The following SYTL3 variants were observed in gnomAD, a reference collection of about 807,000 sequenced individuals.
SYTL3 encodes synaptotagmin-like protein 3.
In SYTL3, 88 loss-of-function variants were observed where a neutral mutation model predicts 82.1. The ratio of observed to expected loss-of-function variants is 1.07; its 90% CI spans 0.90 to 1.28. The LOEUF (loss-of-function observed/expected upper bound fraction) is 1.28, where lower values mean the gene tolerates loss of function less well. Among genes scored for constraint, SYTL3 ranks in the 50% most tolerant of loss-of-function variants. SYTL3 has a pLI of 0.00. For synonymous variants in SYTL3, 311 were observed against 289.4 expected, an observed-to-expected ratio of 1.07 and a Z score of -0.76; for missense variants, 831 against 757.6, an observed-to-expected ratio of 1.10 and a Z score of -1.14.
At chr6:158,748,949 G>A (rs989355291) in intron 12 of SYTL3, among the ~76,000 whole-genome samples, 1 of 152,008 alleles carries the variant, frequency 6.6e-6, no homozygotes, top group African/African-American at 2.4e-5. Flanking sequence ...GGGTCAGGCT[G>A]GGGGCTCATG....
intron 6 of SYTL3, among the ~76,000 whole-genome samples, chr6:158,695,237 C>G (rs1195166626): frequency 1.3e-5 from 2 of 152,198 alleles, no homozygotes; most frequent in African/African-American, 2.4e-5. Flanking sequence ...GACCTCTACT[C>G]TAGAAGATCA....
intron 13 of SYTL3, among the ~76,000 whole-genome samples, chr6:158,753,191 C>T (rs1186875805): frequency 6.7e-6 from 1 of 150,328 alleles, no homozygotes; most frequent in Non-Finnish European, 1.5e-5. Flanking sequence ...AAGCGATTCT[C>T]CTGCCTCAGC....
At chr6:158,748,365 A>G (rs1205718080) in intron 12 of SYTL3, among the ~76,000 whole-genome samples, 1 of 152,046 alleles carries the variant, frequency 6.6e-6, no homozygotes, top group African/African-American at 2.4e-5. Flanking sequence ...AATCTCTCCT[A>G]TTGTTCTAGT....
At chr6:158,737,949 G>A (rs1786433411) in intron 11 of SYTL3, among the ~76,000 whole-genome samples, 1 of 152,066 alleles carries the variant, frequency 6.6e-6, no homozygotes, top group Admixed American at 6.6e-5. Context: ...ATGCAATTTG[G>A]GGCATGACTC....
intron 5 of SYTL3, among the ~76,000 whole-genome samples, chr6:158,676,142 T>C (rs927674037): frequency 1.3e-5 from 2 of 152,158 alleles, no homozygotes; most frequent in African/African-American, 4.8e-5. Flanking sequence ...TCACACTACC[T>C]GACTTCAAAC....
At chr6:158,710,915 G>A (rs142070644) in intron 8 of SYTL3, among the ~76,000 whole-genome samples, 3 of 152,128 alleles carry the variant, frequency 2.0e-5, no homozygotes, top group African/African-American at 7.2e-5. Context: ...TGAGTAGCTG[G>A]GATTACAGGC....
intron 5 of SYTL3, 97 bp from the exon 6 acceptor site, chr6:158,682,828 C>A: frequency 1.2e-6 from 1 of 847,242 alleles, no homozygotes; most frequent in Non-Finnish European, 1.9e-6. Context: ...CATTGCAAGA[C>A]TAATATTTTG....
intron 12 of SYTL3, among the ~76,000 whole-genome samples, chr6:158,749,228 A>AAATAAT (rs111685675): frequency 0.54 from 80,569 of 149,202 alleles, 22,682 homozygotes; most frequent in African/African-American, 0.61. Flanking sequence ...CCCTCTCATT[A>AAATAAT]AATAATAAAT....
intron 6 of SYTL3, among the ~76,000 whole-genome samples, chr6:158,683,597 C>G (rs1044569171): frequency 1.3e-5 from 2 of 152,218 alleles, no homozygotes; most frequent in Non-Finnish European, 2.9e-5. Context: ...GTCCCCTCCT[C>G]TGAAACACCA....
In SYTL3 at chr6:158,725,533, C is replaced by G; in HGVS notation, c.751C>G (p.Leu251Val). The change falls in exon 11 of 18, where the codon CTC becomes GTC. Residue 251 changes from leucine to valine, a missense_variant. Transcript: ENST00000611299. Reference sequence around the variant, plus strand: ...CAGTGCACCAGATATTCTGAAACCTCTCAATCAAGAGGATCCCAAATGCTC... The same window carrying G: ...CAGTGCACCAGATATTCTGAAACCTGTCAATCAAGAGGATCCCAAATGCTC... ...KVSAPDILKPLNQEDPKCSTN... is the reference protein window; with the variant it reads ...KVSAPDILKPVNQEDPKCSTN... 1 of 1,614,194 alleles carries G rather than the reference C, an allele frequency of 6.2e-7. No homozygotes were observed.
intron 10 of SYTL3, among the ~76,000 whole-genome samples, chr6:158,723,594 T>C (rs751356790): frequency 2.6e-5 from 4 of 152,226 alleles, no homozygotes; most frequent in Non-Finnish European, 5.9e-5. Context: ...GTTCGCGGCA[T>C]TGAAAACATT....
intron 6 of SYTL3, among the ~76,000 whole-genome samples, chr6:158,703,374 C>T (rs535506501): frequency 3.3e-5 from 5 of 152,166 alleles, no homozygotes; most frequent in South Asian, 4.1e-4. Context: ...CCAGCCAGAC[C>T]GGGCAGGGTG....
intron 4 of SYTL3, among the ~76,000 whole-genome samples, chr6:158,664,742 A>G (rs1018997467): frequency 8.5e-5 from 13 of 152,242 alleles, no homozygotes; most frequent in Admixed American, 1.3e-4. Flanking sequence ...TTTAAAGTGC[A>G]TTTCTGATGT....
At chr6:158,652,217 C>T (rs560481529) in intron 2 of SYTL3, among the ~76,000 whole-genome samples, 3 of 150,440 alleles carry the variant, frequency 2.0e-5, no homozygotes, top group South Asian at 4.2e-4. Flanking sequence ...TGTGAGCCAC[C>T]GAGCCCAGCC....
intron 4 of SYTL3, 177 bp downstream of exon 4, chr6:158,663,555 A>G (rs777414103): frequency 1.2e-4 from 121 of 985,128 alleles, no homozygotes; most frequent in Non-Finnish European, 1.4e-4. Flanking sequence ...TTATGTAACT[A>G]AACGTAGAGG....
chr6:158,671,324 TC>T (rs1777357285), intron 5 of SYTL3, among the ~76,000 whole-genome samples: 1 of 152,192 alleles, frequency 6.6e-6, no homozygotes, highest in African/African-American at 2.4e-5. Flanking sequence ...CTGCGCATTG[TC>T]TTTTGTTAAT....
chr6:158,718,100 C>G lies in SYTL3; in HGVS notation c.609C>G (p.Ser203=). The G allele has an allele frequency of 6.5e-7, 1 of 1,540,966 alleles. No homozygotes were observed. The highest frequency in any genetic ancestry group is 8.8e-7 in the Non-Finnish European group (1 of 1,142,516). ...LATHVKKLSK[S]QNDMTSEKHL... Reference sequence around the variant, plus strand: ...TTTGCCTTTTAGAGCTCTCCAAATCCCAGAATGATATGACTTCTGAGAAGC... The same window carrying G: ...TTTGCCTTTTAGAGCTCTCCAAATCGCAGAATGATATGACTTCTGAGAAGC... The change falls in exon 10 of 18, where the codon TCC becomes TCG. Residue 203 remains serine, a synonymous_variant. Coordinates refer to ENST00000611299, the MANE Select transcript of SYTL3 (RefSeq NM_001242394.2).
At chr6:158,755,345 C>A (rs78704951) in intron 13 of SYTL3, among the ~76,000 whole-genome samples, 1 of 151,950 alleles carries the variant, frequency 6.6e-6, no homozygotes, top group African/African-American at 2.4e-5. Context: ...CCTGTCCCCC[C>A]AAAAAAGATA....
At chr6:158,730,815 G>A (rs1289888939) in intron 11 of SYTL3, among the ~76,000 whole-genome samples, 1 of 152,050 alleles carries the variant, frequency 6.6e-6, no homozygotes, top group African/African-American at 2.4e-5. Context: ...ACCTAGGTAA[G>A]AGAAACCGCA....
Sources: allele counts gnomAD v4.1 joint callset (sites outside exome capture counted in the v4.1 genomes callset), GRCh38; gene constraint gnomAD v4.1.1; transcripts MANE v1.5; gene names NCBI Gene and HGNC (gene_info 2026-07-23, HGNC 2026-07-21).